The following PKHD1 variants were observed in gnomAD, a reference collection of about 807,000 sequenced individuals.
The protein encoded by PKHD1 is fibrocystin.
A neutral mutation model predicts 412.0 loss-of-function variants in PKHD1; 291 were observed. The observed-to-expected ratio is 0.71, with a 90% confidence interval of 0.64 to 0.78. The LOEUF (loss-of-function observed/expected upper bound fraction) is 0.78, where lower values mean the gene tolerates loss of function less well. Among genes scored for constraint, PKHD1 ranks in the 30% least tolerant of loss-of-function variants. The pLI is 0.00. For missense variants in PKHD1, 4,825 were observed against 4,950.7 expected (o/e 0.97, Z 0.76); for synonymous variants, 1,777 against 1,821.5 (o/e 0.98, Z 0.62).
chr6:51,656,073 C>A (rs1771793218), intron 61 of PKHD1, among the ~76,000 whole-genome samples: 1 of 152,110 alleles, frequency 6.6e-6, no homozygotes. Flanking sequence ...TTCACAATAG[C>A]AAAGACTTGG....
At chr6:51,811,392 A>G (rs1452080448) in intron 52 of PKHD1, among the ~76,000 whole-genome samples, 2 of 152,220 alleles carry the variant, frequency 1.3e-5, no homozygotes, top group African/African-American at 2.4e-5. Flanking sequence ...ATTATACCAC[A>G]TTCCTACTCT....
intron 55 of PKHD1, among the ~76,000 whole-genome samples, chr6:51,761,184 C>T (rs529811494): frequency 2.0e-5 from 3 of 152,018 alleles, no homozygotes; most frequent in South Asian, 2.1e-4. Flanking sequence ...AGGTGCCCAT[C>T]GACAAATGAA....
intron 37 of PKHD1, among the ~76,000 whole-genome samples, chr6:51,922,014 G>T (rs1784789968): frequency 6.6e-6 from 1 of 152,188 alleles, no homozygotes; most frequent in South Asian, 2.1e-4. Flanking sequence ...GAGGCACTCT[G>T]ATTTTTAGAA....
chr6:51,814,526 C>T (rs771603021), intron 52 of PKHD1, among the ~76,000 whole-genome samples: 6 of 152,172 alleles, frequency 3.9e-5, no homozygotes, highest in Non-Finnish European at 8.8e-5. Context: ...ACAGAAGATC[C>T]ACAAGCTGCT....
At chr6:51,796,603 A>C (rs1006070713) in intron 52 of PKHD1, among the ~76,000 whole-genome samples, 2 of 151,814 alleles carry the variant, frequency 1.3e-5, no homozygotes, top group African/African-American at 4.8e-5. Flanking sequence ...TGTTAACTTG[A>C]GATCTTTCTA....
At chr6:51,763,625 T>G (rs1320112551) in intron 55 of PKHD1, among the ~76,000 whole-genome samples, 3 of 152,140 alleles carry the variant, frequency 2.0e-5, no homozygotes, top group African/African-American at 7.2e-5. Context: ...TCTCTAAACT[T>G]AGTCCTCCTC....
Position 51,896,629 on chromosome 6 carries a change from A to G in PKHD1, c.6996+6968T>C, listed in dbSNP as rs1273531226. 2.3e-3 allele frequency among the ~76,000 whole-genome samples: 357 copies of G among 152,256 alleles called. 3 individuals are homozygous for G. Among genetic ancestry groups the G allele is most frequent in the African/African-American group, 7.7e-3 (318 of 41,486 alleles). Reference sequence around the variant, plus strand: ...CACCTCTCCTCCTCCAAAGGAACGCAGTTCCTCACCAGCAACGGAACAAAG... The same window carrying G: ...CACCTCTCCTCCTCCAAAGGAACGCGGTTCCTCACCAGCAACGGAACAAAG... On this transcript the variant is annotated intron_variant, in intron 43 of 66. Transcript: ENST00000371117.
chr6:52,056,700 C>A lies in PKHD1; in HGVS notation c.1691G>T (p.Arg564Leu), dbSNP rs757182803. 1 of 1,609,684 alleles carries A rather than the reference C, an allele frequency of 6.2e-7. No individual in the cohort carries two copies. The highest frequency in any genetic ancestry group is 1.1e-5 in the South Asian group (1 of 90,978). Reference protein sequence around the residue: ...SNILLRLGFERGPEVSNSDGD... With the variant: ...SNILLRLGFELGPEVSNSDGD... ...CAGAATGAAGCCACGGACAGCACCT[C>A]GTTCAAATCCAAGCCGGAGAAGGAT... Residue 564 changes from arginine to leucine, a missense_variant and splice_region_variant, in exon 18 of 67, where the codon CGA becomes CTA. Physicochemically the swap from Arg to Leu is moderately radical, Grantham distance 102. Coordinates refer to ENST00000371117, the MANE Select transcript of PKHD1 (RefSeq NM_138694.4).
chr6:51,901,347 A>C (rs906869273), intron 43 of PKHD1, among the ~76,000 whole-genome samples: 1 of 152,246 alleles, frequency 6.6e-6, no homozygotes, highest in African/African-American at 2.4e-5. Context: ...GCCATAAAAA[A>C]TGATGAGTTC....
At chr6:52,026,562 T>C (rs1802218582) in intron 31 of PKHD1, among the ~76,000 whole-genome samples, 1 of 152,222 alleles carries the variant, frequency 6.6e-6, no homozygotes. Context: ...ATATATAGAC[T>C]ATTTGTACAT....
At chr6:51,963,564 T>A (rs1792375986) in intron 35 of PKHD1, among the ~76,000 whole-genome samples, 1 of 152,122 alleles carries the variant, frequency 6.6e-6, no homozygotes, top group African/African-American at 2.4e-5. Flanking sequence ...GTGTAATCCA[T>A]GATTACATGC....
At chr6:52,024,374 C>T (rs1270415293) in intron 32 of PKHD1, among the ~76,000 whole-genome samples, 200 bp downstream of exon 32, 3 of 152,032 alleles carry the variant, frequency 2.0e-5, no homozygotes. Flanking sequence ...GCACAGTTTC[C>T]TTGATAAAAA....
chr6:51,659,389 T>A lies in PKHD1; in HGVS notation c.10737A>T (p.Val3579=). The A allele has an allele frequency of 6.2e-7, 1 of 1,613,778 alleles. No homozygotes were observed. Among genetic ancestry groups the A allele is most frequent in the Non-Finnish European group, 8.5e-7 (1 of 1,179,848 alleles). ...VSVLEKGWEI[V]ILERLTNFLQ... is the part of the protein sequence containing the mutation. ...AGAAGTTAGTTAGTCTTTCGAGTAT[T>A]ACTATTTCCCAGCCTTTTTCTAAGA... The change falls in exon 61 of 67, where the codon GTA becomes GTT. Residue 3579 remains valine, a synonymous_variant. Transcript: ENST00000371117.
Position 51,649,268 on chromosome 6 carries a change from T to C in PKHD1, c.11175-48A>G, listed in dbSNP as rs753123149. On this transcript the variant is annotated intron_variant, in intron 61 of 66. Coordinates refer to ENST00000371117, the MANE Select transcript of PKHD1 (RefSeq NM_138694.4). ...AAATACATCCTTAGGATTACACATA[T>C]CCCTATGGTAGCAATTTTCCACAAT... is the stretch of plus-strand genomic sequence containing the variant. 15 of 1,426,830 alleles carry C rather than the reference T, an allele frequency of 1.1e-5. 1 individual carries two copies. In the South Asian group the frequency reaches 1.6e-4, roughly 15 times the overall value. 88.4% of individuals were successfully genotyped at this position (1,426,830 alleles called of 1,614,324 possible). A position where few individuals can be genotyped will look rare whatever the true frequency, so the allele number is the denominator to read the frequency against.
intron 63 of PKHD1, among the ~76,000 whole-genome samples, chr6:51,642,038 G>A (rs1429509362): frequency 2.0e-5 from 3 of 152,058 alleles, no homozygotes; most frequent in African/African-American, 7.2e-5. Context: ...AGAACTTAAA[G>A]TATAATAATA....
intron 52 of PKHD1, among the ~76,000 whole-genome samples, chr6:51,817,334 G>A (rs199961999): frequency 2.6e-5 from 4 of 151,144 alleles, no homozygotes; most frequent in Non-Finnish European, 5.9e-5. Flanking sequence ...GATTTAGTAA[G>A]AAAAAAAAAT....
rs191201723 is a variant in PKHD1, at chr6:52,025,611, G to A, written c.4199C>T (p.Ser1400Leu). The change falls in exon 32 of 67, where the codon TCG becomes TTG. Residue 1400 changes from serine (S) to leucine (L), a missense_variant. By Grantham distance (145) the Ser-to-Leu change is moderately radical (BLOSUM62 -2). Coordinates refer to ENST00000371117, the MANE Select transcript of PKHD1 (RefSeq NM_138694.4). Reference protein sequence around the residue: ...RIMAIFPSQGSACGGTILTVR... With the variant: ...RIMAIFPSQGLACGGTILTVR... The stretch of plus-strand genomic sequence containing the variant: ...AGTAAGTATGGTCCCACCACATGCC[G>A]AACCCTGCGATGGGAAGATGGCCAT... The A allele has an allele frequency of 2.5e-5, 41 of 1,614,098 alleles. No individual in the cohort carries two copies. The highest frequency in any genetic ancestry group is 4.0e-5 in the African/African-American group (3 of 75,020).
chr6:51,955,150 T>C (rs371541178), intron 36 of PKHD1, among the ~76,000 whole-genome samples: 48 of 152,174 alleles, frequency 3.2e-4, no homozygotes, highest in African/African-American at 1.1e-3. Context: ...TTAGTATTAA[T>C]TGATTGGGTT....
Position 52,064,985 on chromosome 6 carries a change from T to C in PKHD1, c.946A>G (p.Lys316Glu), listed in dbSNP as rs766298732. Residue 316 changes from lysine (K) to glutamate (E), a missense_variant, in exon 13 of 67, where the codon AAA becomes GAA. Physicochemically the swap from Lys to Glu is moderately conservative, Grantham distance 56 (BLOSUM62 1). Coordinates refer to ENST00000371117, the MANE Select transcript of PKHD1 (RefSeq NM_138694.4). ...KIECTTRAPG[K>E]DVRLTTPQPG... ...TGAGGGGTGGTGAGCCTCACATCTT[T>C]TCCTGGAGCCCGAGTGGTGCACTCA... 1.2e-6 allele frequency: 2 copies of C among 1,604,560 alleles called. No individual in the cohort carries two copies. The highest frequency in any genetic ancestry group is 2.2e-5 in the South Asian group (2 of 90,760).
Sources: allele counts gnomAD v4.1 joint callset (sites outside exome capture counted in the v4.1 genomes callset), GRCh38; gene constraint gnomAD v4.1.1; transcripts MANE v1.5; gene names NCBI Gene and HGNC (gene_info 2026-07-23, HGNC 2026-07-21).